Variants in ATP2B2 observed in about 807,000 individuals in gnomAD.
ATP2B2 encodes plasma membrane calcium-transporting ATPase 2.
A neutral mutation model predicts 120.0 loss-of-function variants in ATP2B2; 15 were observed. The ratio of observed to expected loss-of-function variants is 0.12; its 90% CI spans 0.08 to 0.19. The LOEUF is 0.19. Ranked by LOEUF, ATP2B2 falls within the 10% of genes least tolerant of loss-of-function variation. The pLI, the probability that ATP2B2 is intolerant of heterozygous loss-of-function variation, is 1.00. For synonymous variants in ATP2B2, 694 were observed against 700.3 expected (o/e 0.99, Z 0.14); for missense variants, 1,045 against 1,719.8 (o/e 0.61, Z 6.94).
At chr3:10,647,048 C>G (rs1264032406) in intron 1 of ATP2B2, among the ~76,000 whole-genome samples, 1 of 152,024 alleles carries the variant, frequency 6.6e-6, no homozygotes, top group Non-Finnish European at 1.5e-5. Context: ...TTCAGCAAAG[C>G]AGTGGGGTTC....
chr3:10,438,810 T>C, intron 2 of ATP2B2, among the ~76,000 whole-genome samples: 1 of 152,138 alleles, frequency 6.6e-6, no homozygotes, highest in East Asian at 1.9e-4. Flanking sequence ...CTACTAGCAT[T>C]CGAGACGGCC....
intron 1 of ATP2B2, among the ~76,000 whole-genome samples, chr3:10,483,757 T>G (rs1410896824): frequency 6.6e-6 from 1 of 152,218 alleles, no homozygotes; most frequent in Non-Finnish European, 1.5e-5. Flanking sequence ...ACCCACTGGC[T>G]GGCCTCCAAA....
At chr3:10,523,919 G>T (rs1478696229) in intron 3 of ATP2B2, among the ~76,000 whole-genome samples, 1 of 152,084 alleles carries the variant, frequency 6.6e-6, no homozygotes, top group East Asian at 1.9e-4. Flanking sequence ...ACTTGTGAGA[G>T]CAGCCCACTG....
At chr3:10,388,035 G>A (rs1171505731) in intron 6 of ATP2B2, 10 of 510,076 alleles carry the variant, frequency 2.0e-5, no homozygotes, top group African/African-American at 1.2e-4. Flanking sequence ...GGCCTGGCCC[G>A]GAGGGGAAGG....
At chr3:10,600,925 T>C (rs1377534026) in intron 2 of ATP2B2, among the ~76,000 whole-genome samples, 1 of 152,118 alleles carries the variant, frequency 6.6e-6, no homozygotes, top group Non-Finnish European at 1.5e-5. Flanking sequence ...AGGGCAAGAC[T>C]AAGAAGTCCC....
intron 1 of ATP2B2, among the ~76,000 whole-genome samples, chr3:10,501,771 C>T (rs2066403705): frequency 6.6e-6 from 1 of 152,138 alleles, no homozygotes; most frequent in African/African-American, 2.4e-5. Flanking sequence ...ACCTCAGTTT[C>T]CCCACGTGTG....
At chr3:10,362,243 G>A (rs2060921506) in intron 12 of ATP2B2, among the ~76,000 whole-genome samples, 1 of 152,224 alleles carries the variant, frequency 6.6e-6, no homozygotes. Flanking sequence ...CAAAAGAGCA[G>A]CCCAGACAGG....
chr3:10,342,622 C>T lies in ATP2B2; in HGVS notation c.2917+130G>A. 1 of 1,140,366 alleles carries T rather than the reference C, an allele frequency of 8.8e-7. No homozygotes were observed. Among genetic ancestry groups the T allele is most frequent in the Non-Finnish European group, 1.3e-6 (1 of 781,536 alleles). 70.6% of individuals were successfully genotyped at this position (1,140,366 alleles called of 1,614,324 possible). A position where few individuals can be genotyped will look rare whatever the true frequency, so the allele number is the denominator to read the frequency against. On this transcript the variant is annotated intron_variant, in intron 19 of 22. Transcript: ENST00000360273. This position sits in a 1 kb window ranked among gnomAD's most constrained non-coding sequence, Gnocchi z 4.4. ...TGACCTTGGGCAACTTACTTGACCT[C>T]CCTGGGCCTCAATTTCCCCATTAGC...
chr3:10,444,467 C>T (rs2063770067), intron 2 of ATP2B2, among the ~76,000 whole-genome samples: 1 of 152,220 alleles, frequency 6.6e-6, no homozygotes, highest in East Asian at 1.9e-4. Context: ...CTCCCATGAT[C>T]TGCTCTCTCG....
chr3:10,512,475 CACACACACACACA>C (rs2066787323), intron 3 of ATP2B2, among the ~76,000 whole-genome samples: 1 of 70,594 alleles, frequency 1.4e-5, no homozygotes, highest in Non-Finnish European at 3.1e-5. Context: ...CACACACACA[CACACACACACACA>C]CACACACACA....
At chr3:10,427,942 A>G (rs1013111245) in intron 2 of ATP2B2, among the ~76,000 whole-genome samples, 21 of 152,180 alleles carry the variant, frequency 1.4e-4, no homozygotes, top group African/African-American at 5.1e-4. Flanking sequence ...ATTTCTATAT[A>G]AGGTCAGTGG....
chr3:10,677,693 A>G (rs1377589480), intron 1 of ATP2B2, among the ~76,000 whole-genome samples: 1 of 152,176 alleles, frequency 6.6e-6, no homozygotes, highest in Non-Finnish European at 1.5e-5. Flanking sequence ...CTGTGAACCT[A>G]AGATTACTCT....
intron 1 of ATP2B2, among the ~76,000 whole-genome samples, chr3:10,665,012 A>G (rs987247846): frequency 6.6e-6 from 1 of 152,088 alleles, no homozygotes; most frequent in Non-Finnish European, 1.5e-5. Context: ...TCCTCCTCTG[A>G]GCCACTAGCA....
intron 1 of ATP2B2, among the ~76,000 whole-genome samples, chr3:10,488,855 C>T (rs1414977626): frequency 6.6e-6 from 1 of 152,070 alleles, no homozygotes; most frequent in East Asian, 1.9e-4. Flanking sequence ...GTTTTCCACA[C>T]ACAGTCAGAC....
chr3:10,648,497 C>T lies in ATP2B2; in HGVS notation c.-459-28536G>A, dbSNP rs542665130. Among the ~76,000 whole-genome samples the T allele has an allele frequency of 2.0e-5, 3 of 152,276 alleles. No homozygotes were observed. In the East Asian group the frequency reaches 5.8e-4, roughly 29 times the overall value. On this transcript the variant is annotated intron_variant, in intron 1 of 21. Coordinates refer to the ATP2B2 transcript ENST00000646379. Reference sequence around the variant, plus strand: ...CCCATGGCTTTGACTTCTACATATTCACAAATCCAACTTTCTATCTCCAAC... The same window carrying T: ...CCCATGGCTTTGACTTCTACATATTTACAAATCCAACTTTCTATCTCCAAC...
At chr3:10,445,348 G>A (rs528294246) in intron 2 of ATP2B2, among the ~76,000 whole-genome samples, 7 of 144,790 alleles carry the variant, frequency 4.8e-5, no homozygotes, top group African/African-American at 2.0e-4. Flanking sequence ...TGGAACTCAG[G>A]TTTCTGGGAT....
intron 2 of ATP2B2, among the ~76,000 whole-genome samples, chr3:10,429,870 G>A (rs979689746): frequency 6.6e-6 from 1 of 152,218 alleles, no homozygotes. Context: ...AAAATGTATT[G>A]CTGAAATGGA....
At chr3:10,572,233 G>A (rs966450353) in intron 2 of ATP2B2, among the ~76,000 whole-genome samples, 1 of 152,158 alleles carries the variant, frequency 6.6e-6, no homozygotes, top group African/African-American at 2.4e-5. Flanking sequence ...GTTTACTGTT[G>A]TGTTACTGTA....
In ATP2B2 at chr3:10,377,525, T is replaced by C. The variant is rs181537013; in HGVS notation, c.1201+727A>G. Among the ~76,000 whole-genome samples, 177 of 152,348 alleles carry C rather than the reference T, an allele frequency of 1.2e-3. 6 individuals are homozygous for C. The South Asian group carries it at 0.028, about 24-fold the overall frequency. On this transcript the variant is annotated intron_variant, in intron 10 of 22. Transcript: ENST00000360273. ...ACCTCCTTACCCGGGAGGGGAAGCC[T>C]AGGCCGTGCCAGAGGGTCGGGGGCT...
Sources: gnomAD v4.1 joint callset for allele counts (sites outside exome capture counted in the v4.1 genomes callset) on GRCh38, gnomAD v4.1.1 for gene constraint, Gnocchi (gnomAD v3.1) non-coding constraint, MANE v1.5 for transcripts, NCBI Gene and HGNC (gene_info 2026-07-23, HGNC 2026-07-21) for gene names.